Variants in NGF observed in about 807,000 individuals in gnomAD.
NGF encodes beta-nerve growth factor.
A neutral mutation model predicts 12.8 loss-of-function variants in NGF; 4 were observed. That is an observed-to-expected ratio of 0.31 (90% CI 0.15 to 0.72). NGF has a LOEUF of 0.72. Ranked by LOEUF, NGF falls within the 30% of genes least tolerant of loss-of-function variation. The pLI, the probability that NGF is intolerant of heterozygous loss-of-function variation, is 0.69. For synonymous variants in NGF, 140 were observed against 130.0 expected (o/e 1.08, Z -0.52); for missense variants, 283 against 330.8 (o/e 0.86, Z 1.12).
At chr1:115,337,875 C>G (rs1216886866) in intron 1 of NGF, among the ~76,000 whole-genome samples, 2 of 152,196 alleles carry the variant, frequency 1.3e-5, no homozygotes, top group African/African-American at 2.4e-5. Context: ...TTATCCACTT[C>G]TAGCCCTCGA....
chr1:115,334,329 CCAGTGCTGCAGACTCCA>C (rs1351172851), intron 1 of NGF, among the ~76,000 whole-genome samples: 6 of 152,134 alleles, frequency 3.9e-5, no homozygotes, highest in African/African-American at 1.4e-4. Flanking sequence ...GGATTTCCTC[CCAGTGCTGCAGACTCCA>C]CAGGCATGCA....
chr1:115,312,614 G>T (rs1348791555), intron 1 of NGF, among the ~76,000 whole-genome samples: 1 of 152,144 alleles, frequency 6.6e-6, no homozygotes, highest in East Asian at 1.9e-4. Context: ...TACCAGAGTT[G>T]CTGGATCTTA....
chr1:115,325,179 T>G (rs1470040437), intron 1 of NGF, among the ~76,000 whole-genome samples: 1 of 151,976 alleles, frequency 6.6e-6, no homozygotes, highest in Non-Finnish European at 1.5e-5. Context: ...GAGCAAACAG[T>G]GAGTGCGAAG....
At chr1:115,302,842 G>A (rs1317870322) in intron 1 of NGF, among the ~76,000 whole-genome samples, 2 of 152,172 alleles carry the variant, frequency 1.3e-5, no homozygotes, top group African/African-American at 4.8e-5. Flanking sequence ...GTTGTGCATT[G>A]GCAGTTACTT....
chr1:115,301,030 AC>A (rs1654020186), intron 1 of NGF, among the ~76,000 whole-genome samples: 1 of 152,174 alleles, frequency 6.6e-6, no homozygotes, highest in Admixed American at 6.5e-5. Context: ...AGAGATGAAA[AC>A]CTGCTGTCCT....
At chr1:115,302,723 C>T (rs139046820) in intron 1 of NGF, among the ~76,000 whole-genome samples, 8 of 152,290 alleles carry the variant, frequency 5.3e-5, no homozygotes, top group African/African-American at 1.2e-4. Context: ...CTTTTGTCCC[C>T]GGGAAGGTGG....
intron 1 of NGF, among the ~76,000 whole-genome samples, chr1:115,336,192 T>C (rs1380725232): frequency 6.6e-6 from 1 of 151,516 alleles, no homozygotes; most frequent in Non-Finnish European, 1.5e-5. Flanking sequence ...CCGGGATGAC[T>C]GCCCTGAGTG....
At chr1:115,329,590 AAAAC>A (rs1190507979) in intron 1 of NGF, among the ~76,000 whole-genome samples, 1 of 152,192 alleles carries the variant, frequency 6.6e-6, no homozygotes, top group Non-Finnish European at 1.5e-5. Context: ...CAGTACAACT[AAAAC>A]AAAAGTTTCA....
At chr1:115,296,532 C>T (rs2101028697) in intron 1 of NGF, among the ~76,000 whole-genome samples, 1 of 152,296 alleles carries the variant, frequency 6.6e-6, no homozygotes, top group South Asian at 2.1e-4. Context: ...AATAGATTCC[C>T]TGGCTCTGTA....
At position 115,286,119 on chromosome 1, in the gene NGF, T is replaced by C. The variant is rs34542615; in HGVS notation, c.677A>G (p.Asp226Gly). The stretch of plus-strand genomic sequence containing the variant: ...GCTGAGCACACACACACAGGCCGTA[T>C]CTATCCGGATAAACCGCCAGGCAGC... ...KQAAWRFIRI[D>G]TACVCVLSRK... Residue 226 changes from aspartate to glycine, a missense_variant, in exon 3 of 3, where the codon GAT becomes GGT. Coordinates refer to ENST00000369512, the MANE Select transcript of NGF (RefSeq NM_002506.3). The C allele has an allele frequency of 5.6e-6, 9 of 1,613,526 alleles. No individual in the cohort carries two copies. Among genetic ancestry groups the C allele is most frequent in the Non-Finnish European group, 7.6e-6 (9 of 1,179,696 alleles).
chr1:115,309,455 C>A (rs1223914500), intron 1 of NGF, among the ~76,000 whole-genome samples: 1 of 152,138 alleles, frequency 6.6e-6, no homozygotes, highest in African/African-American at 2.4e-5. Context: ...ACTTTAAGTT[C>A]TGGGGTACAT....
intron 1 of NGF, among the ~76,000 whole-genome samples, chr1:115,315,313 A>C (rs1347709409): frequency 6.6e-6 from 1 of 152,236 alleles, no homozygotes; most frequent in Non-Finnish European, 1.5e-5. Flanking sequence ...AAGATCAGTT[A>C]GGCAGCTCCT....
intron 1 of NGF, among the ~76,000 whole-genome samples, chr1:115,326,963 A>C (rs559451504): frequency 2.4e-4 from 36 of 152,190 alleles, no homozygotes; most frequent in Non-Finnish European, 4.7e-4. Flanking sequence ...GAGGTTCTGT[A>C]ATTTGCCTAA....
chr1:115,326,499 A>G (rs1654782155), intron 1 of NGF, among the ~76,000 whole-genome samples: 1 of 152,172 alleles, frequency 6.6e-6, no homozygotes, highest in South Asian at 2.1e-4. Flanking sequence ...TTTCCATCAC[A>G]TGCACTTTAA....
intron 1 of NGF, among the ~76,000 whole-genome samples, chr1:115,327,209 G>C (rs74114053): frequency 6.6e-6 from 1 of 152,214 alleles, no homozygotes; most frequent in African/African-American, 2.4e-5. Flanking sequence ...ATGACTGGAA[G>C]ATGAACATTT....
intron 1 of NGF, among the ~76,000 whole-genome samples, chr1:115,334,525 G>A (rs1655058352): frequency 1.3e-5 from 2 of 152,114 alleles, no homozygotes; most frequent in Admixed American, 1.3e-4. Context: ...CAGCACTGAG[G>A]TCCCTGCCGA....
intron 1 of NGF, among the ~76,000 whole-genome samples, chr1:115,295,583 AG>A (rs1285004812): frequency 2.0e-5 from 3 of 152,084 alleles, no homozygotes; most frequent in Non-Finnish European, 2.9e-5. Flanking sequence ...TAAACCTGAA[AG>A]GTTGCAGGCT....
At chr1:115,320,265 TG>T (rs890202897) in intron 1 of NGF, among the ~76,000 whole-genome samples, 1 of 152,222 alleles carries the variant, frequency 6.6e-6, no homozygotes, top group Admixed American at 6.5e-5. Context: ...ATATACACTA[TG>T]TTTTTTTCCC....
At position 115,286,544 on chromosome 1, in the gene NGF, T is replaced by C; in HGVS notation, c.252A>G (p.Ser84=). 1 of 1,614,116 alleles carries C rather than the reference T, an allele frequency of 6.2e-7. No homozygotes were observed. The highest frequency in any genetic ancestry group is 8.5e-7 in the Non-Finnish European group (1 of 1,180,022). The change falls in exon 3 of 3, where the codon TCA becomes TCG. Residue 84 remains serine, a synonymous_variant. Transcript: ENST00000369512. ...GCTGGGTGCTAAACAGCACACGGGGTGAACGGAGTCGCCGCTTTTTAAACA... is the reference window on the plus strand; with the variant it reads ...GCTGGGTGCTAAACAGCACACGGGGCGAACGGAGTCGCCGCTTTTTAAACA... ...PRLFKKRRLR[S]PRVLFSTQPP...
Sources: allele counts gnomAD v4.1 joint callset (sites outside exome capture counted in the v4.1 genomes callset), GRCh38; gene constraint gnomAD v4.1.1; transcripts MANE v1.5; gene names NCBI Gene and HGNC (gene_info 2026-07-23, HGNC 2026-07-21).